ZBTB20: variants seen among roughly 807,000 people sequenced by gnomAD.
The protein encoded by ZBTB20 is zinc finger and BTB domain containing 20.
In ZBTB20, 9 loss-of-function variants were observed where a neutral mutation model predicts 56.9. The ratio of observed to expected loss-of-function variants is 0.16; its 90% CI spans 0.10 to 0.28. The LOEUF is 0.28. Ranked by LOEUF, ZBTB20 falls within the 10% of genes least tolerant of loss-of-function variation. ZBTB20 has a pLI of 1.00. For synonymous variants in ZBTB20, 417 were observed against 420.7 expected, an observed-to-expected ratio of 0.99 and a Z score of 0.11; for missense variants, 655 against 1,003.0, an observed-to-expected ratio of 0.65 and a Z score of 4.69.
chr3:115,067,795 G>A (rs900075827), intron 2 of ZBTB20, among the ~76,000 whole-genome samples: 2 of 152,016 alleles, frequency 1.3e-5, no homozygotes, highest in African/African-American at 2.4e-5. Context: ...TGATATGCTC[G>A]CCATTAATAT....
At chr3:114,711,239 T>C (rs1413075236) in intron 5 of ZBTB20, among the ~76,000 whole-genome samples, 1 of 152,218 alleles carries the variant, frequency 6.6e-6, no homozygotes, top group Non-Finnish European at 1.5e-5. Context: ...CCTTCCACTA[T>C]AAAATAAGTT....
intron 4 of ZBTB20, among the ~76,000 whole-genome samples, chr3:114,866,518 A>G (rs1416126450): frequency 1.3e-5 from 2 of 152,202 alleles, no homozygotes; most frequent in African/African-American, 4.8e-5. Flanking sequence ...GTGCTCAGAC[A>G]TTTGGTCAAA....
chr3:114,427,767 A>G (rs1431655534), intron 7 of ZBTB20, among the ~76,000 whole-genome samples: 1 of 152,228 alleles, frequency 6.6e-6, no homozygotes, highest in African/African-American at 2.4e-5. Context: ...GTGTAATAAG[A>G]AATTAAATGT....
intron 3 of ZBTB20, among the ~76,000 whole-genome samples, chr3:114,946,825 A>C (rs538555976): frequency 6.9e-6 from 1 of 145,872 alleles, no homozygotes; most frequent in South Asian, 2.1e-4. Context: ...TAATTAAACT[A>C]AAAAGCTTCT....
At position 114,619,258 on chromosome 3, in the gene ZBTB20, G is replaced by T. The variant is rs548373412; in HGVS notation, c.-295+74270C>A. ...AGAGTTAACTTTCCATTGTTCAAGG[G>T]TTAATTATCCATTATGTGAATCACT... is the stretch of plus-strand genomic sequence containing the variant. On this transcript the variant is annotated intron_variant, in intron 6 of 11. Transcript: ENST00000675478. 5.4e-4 allele frequency among the ~76,000 whole-genome samples: 82 copies of T among 152,216 alleles called. 1 individual carries two copies. Among genetic ancestry groups the T allele is most frequent in the Admixed American group, 3.0e-3 (46 of 15,292 alleles).
intron 5 of ZBTB20, among the ~76,000 whole-genome samples, chr3:114,731,042 T>C (rs1560180558): frequency 6.6e-6 from 1 of 152,204 alleles, no homozygotes; most frequent in Non-Finnish European, 1.5e-5. Flanking sequence ...TAGTGTTTCA[T>C]ATTGACTTGA....
intron 1 of ZBTB20, among the ~76,000 whole-genome samples, chr3:115,120,719 A>G (rs1435064308): frequency 6.6e-6 from 1 of 152,122 alleles, no homozygotes; most frequent in Non-Finnish European, 1.5e-5. Context: ...TCACCAAACT[A>G]GTTCACGAGA....
At chr3:114,516,289 T>C (rs75919621) in intron 6 of ZBTB20, among the ~76,000 whole-genome samples, 2,166 of 152,314 alleles carry the variant, frequency 0.014, 74 homozygotes, top group East Asian at 0.093. Context: ...CATTGTCTGG[T>C]GACACCACAC....
At chr3:114,864,876 C>G (rs757776145) in intron 4 of ZBTB20, among the ~76,000 whole-genome samples, 3 of 152,122 alleles carry the variant, frequency 2.0e-5, no homozygotes, top group Non-Finnish European at 4.4e-5. Flanking sequence ...CATTGCCACA[C>G]TTCTTCAATC....
rs1328971441 is a variant in ZBTB20 at position 114,985,494 on chromosome 3, TAAC to T, written c.-506-11081_-506-11079del. 3.3e-5 allele frequency among the ~76,000 whole-genome samples: 5 copies of T among 152,244 alleles called. No homozygotes were observed. In the East Asian group the frequency reaches 5.8e-4, roughly 18 times the overall value. ...CCTAAAATGTATTAATACATAAGAT[TAAC>T]AACATTGTTCTTCTCAGCTATTGTT... On this transcript the variant is annotated intron_variant, in intron 2 of 11. Transcript: ENST00000675478.
At chr3:114,419,324 G>A (rs947960493) in intron 7 of ZBTB20, among the ~76,000 whole-genome samples, 2 of 152,094 alleles carry the variant, frequency 1.3e-5, no homozygotes, top group African/African-American at 4.8e-5. Flanking sequence ...CTGAGCAAGC[G>A]TATTAGCAGT....
chr3:114,917,906 C>T (rs1323182389), intron 3 of ZBTB20, among the ~76,000 whole-genome samples: 2 of 148,846 alleles, frequency 1.3e-5, no homozygotes, highest in Non-Finnish European at 3.0e-5. Flanking sequence ...CACTCAAGGC[C>T]CTGGGGTTCT....
chr3:115,006,308 G>A (rs2108238152), intron 2 of ZBTB20, among the ~76,000 whole-genome samples: 1 of 151,684 alleles, frequency 6.6e-6, no homozygotes, highest in Admixed American at 6.6e-5. Flanking sequence ...TCCATAGTAG[G>A]ACAGGAATAT....
chr3:114,598,662 C>T (rs1235273691), intron 6 of ZBTB20, among the ~76,000 whole-genome samples: 1 of 151,996 alleles, frequency 6.6e-6, no homozygotes, highest in Non-Finnish European at 1.5e-5. Context: ...AAATATAATG[C>T]CAATAGGGAT....
intron 6 of ZBTB20, among the ~76,000 whole-genome samples, chr3:114,531,139 T>C (rs544136254): frequency 1.3e-5 from 2 of 152,364 alleles, no homozygotes; most frequent in East Asian, 3.9e-4. Context: ...CTAAATATTT[T>C]GTGCCACCTT....
chr3:114,538,461 C>T (rs913670774), intron 6 of ZBTB20, among the ~76,000 whole-genome samples: 10 of 152,124 alleles, frequency 6.6e-5, no homozygotes, highest in African/African-American at 2.4e-4. Context: ...TCACCACCAG[C>T]TCTAACATCT....
intron 6 of ZBTB20, among the ~76,000 whole-genome samples, chr3:114,538,644 A>G (rs527339032): frequency 1.3e-5 from 2 of 152,278 alleles, no homozygotes; most frequent in East Asian, 1.9e-4. Flanking sequence ...AATTAAGTGC[A>G]AGATACACAT....
intron 5 of ZBTB20, among the ~76,000 whole-genome samples, chr3:114,799,360 G>T (rs986297563): frequency 1.3e-5 from 2 of 151,796 alleles, no homozygotes; most frequent in Admixed American, 1.3e-4. Flanking sequence ...TCTCACTTTG[G>T]TCAGGAAAAA....
intron 7 of ZBTB20, among the ~76,000 whole-genome samples, chr3:114,397,215 T>G (rs1284954015): frequency 1.3e-5 from 2 of 152,172 alleles, no homozygotes; most frequent in Non-Finnish European, 2.9e-5. Context: ...TACACATGCA[T>G]GCTACCTGGA....
Sources: allele counts gnomAD v4.1 joint callset (sites outside exome capture counted in the v4.1 genomes callset), GRCh38; gene constraint gnomAD v4.1.1; transcripts MANE v1.5; gene names NCBI Gene and HGNC (gene_info 2026-07-23, HGNC 2026-07-21).